The following TRAPPC12 variants were observed in gnomAD, a reference collection of about 807,000 sequenced individuals.
TRAPPC12 encodes the protein trafficking protein particle complex subunit 12, also known as TPR repeat protein 15.
In TRAPPC12, 61 loss-of-function variants were observed where a neutral mutation model predicts 69.2. The observed-to-expected ratio is 0.88, with a 90% CI of 0.72 to 1.09. The LOEUF (loss-of-function observed/expected upper bound fraction) is 1.09, where lower values mean the gene tolerates loss of function less well. Among genes scored for constraint, TRAPPC12 ranks in the 50% least tolerant of loss-of-function variants. The pLI is 0.00. For missense variants in TRAPPC12, 1,101 were observed against 1,016.4 expected (o/e 1.08, Z -1.13); for synonymous variants, 469 against 438.9 (o/e 1.07, Z -0.86).
intron 9 of TRAPPC12, among the ~76,000 whole-genome samples, chr2:3,471,398 G>A (rs780737219): frequency 5.1e-4 from 77 of 152,136 alleles, no homozygotes; most frequent in Admixed American, 1.0e-3. Flanking sequence ...TCATAGCCAC[G>A]TTCCCTGCCA....
At chr2:3,466,270 C>T (rs1017343210) in intron 9 of TRAPPC12, 4 of 471,136 alleles carry the variant, frequency 8.5e-6, no homozygotes, top group Admixed American at 4.7e-5. Flanking sequence ...CACAGGGCAG[C>T]TTCTGCCCCT....
At position 3,465,687 on chromosome 2, in the gene TRAPPC12, TC is replaced by T; in HGVS notation, c.1771del (p.Leu591CysfsTer6). 1 of 1,613,502 alleles carries T rather than the reference TC, an allele frequency of 6.2e-7. No individual in the cohort carries two copies. The highest frequency in any genetic ancestry group is 1.1e-5 in the South Asian group (1 of 91,076). On this transcript the variant is annotated frameshift_variant, in exon 9 of 12. Coordinates refer to ENST00000324266, the MANE Select transcript of TRAPPC12 (RefSeq NM_016030.6). LOFTEE classifies it high-confidence loss of function. ...GCTGCTCAGCGGCATCGGCCGGATT[TC>T]CCTGCAGGTACCTGTGCACGGTCAG... ...PQLLSGIGRI[S>X]LQIGDIKTAE... is the part of the protein sequence containing the mutation.
At chr2:3,420,911 A>G (rs1398230084) in intron 3 of TRAPPC12, among the ~76,000 whole-genome samples, 1 of 152,224 alleles carries the variant, frequency 6.6e-6, no homozygotes, top group Non-Finnish European at 1.5e-5. Context: ...AGCGCTTGGC[A>G]TGCACACAAA....
At chr2:3,473,502 C>A (rs900352808) in intron 9 of TRAPPC12, among the ~76,000 whole-genome samples, 12 of 152,138 alleles carry the variant, frequency 7.9e-5, no homozygotes, top group African/African-American at 2.9e-4. Context: ...GTTTTTGAGA[C>A]GAGGCCTCGC....
Position 3,479,424 on chromosome 2 carries a change from G to A in TRAPPC12, c.2171G>A (p.Gly724Glu). Residue 724 changes from glycine to glutamate, a missense_variant, in exon 12 of 12, where the codon GGG becomes GAG. Transcript: ENST00000324266. ...ALLEAVAGKE[G>E]DSFNTQCLKL... The stretch of plus-strand genomic sequence containing the variant: ...CTGGAGGCTGTCGCCGGCAAGGAGG[G>A]GGACAGCTTCAACACACAGTGCCTC... The A allele has an allele frequency of 3.1e-6, 5 of 1,614,052 alleles. No individual in the cohort carries two copies. The highest frequency in any genetic ancestry group is 4.2e-6 in the Non-Finnish European group (5 of 1,180,036).
At chr2:3,465,466 T>C in intron 8 of TRAPPC12, 131 bp from the exon 9 acceptor site, 2 of 656,582 alleles carry the variant, frequency 3.0e-6, no homozygotes, top group Non-Finnish European at 2.7e-6. Context: ...GGTTTCCAGC[T>C]TCCCCGCCAG....
intron 6 of TRAPPC12, among the ~76,000 whole-genome samples, chr2:3,446,835 T>C (rs1014477016): frequency 6.6e-6 from 1 of 152,228 alleles, no homozygotes; most frequent in Non-Finnish European, 1.5e-5. Context: ...GTTTACAGTT[T>C]GGTAGACGAT....
At chr2:3,475,828 C>T (rs776815280) in intron 9 of TRAPPC12, among the ~76,000 whole-genome samples, 3 of 152,202 alleles carry the variant, frequency 2.0e-5, no homozygotes, top group Non-Finnish European at 4.4e-5. Flanking sequence ...GCGAAGCTAG[C>T]GACAGCATCT....
chr2:3,393,993 A>G (rs1660976608), intron 2 of TRAPPC12, among the ~76,000 whole-genome samples: 1 of 152,236 alleles, frequency 6.6e-6, no homozygotes. Flanking sequence ...TAACAAAGAA[A>G]GCCAAAGGTA....
chr2:3,477,105 C>A (rs1162080578), intron 9 of TRAPPC12, among the ~76,000 whole-genome samples: 1 of 152,232 alleles, frequency 6.6e-6, no homozygotes, highest in Non-Finnish European at 1.5e-5. Flanking sequence ...ACTCAGCCTT[C>A]CACCCCCCAG....
intron 3 of TRAPPC12, among the ~76,000 whole-genome samples, chr2:3,403,279 C>G (rs948429218): frequency 7.1e-6 from 1 of 139,944 alleles, no homozygotes; most frequent in African/African-American, 2.7e-5. Flanking sequence ...GTTGCCCAGG[C>G]TGGAGTGCAA....
chr2:3,431,315 G>A (rs1057015781), intron 5 of TRAPPC12, among the ~76,000 whole-genome samples: 3 of 152,304 alleles, frequency 2.0e-5, no homozygotes, highest in South Asian at 4.1e-4. Flanking sequence ...CAGCACAGCC[G>A]TCTGCCTTCA....
chr2:3,380,669 G>A (rs1368208803), intron 1 of TRAPPC12, among the ~76,000 whole-genome samples: 1 of 152,168 alleles, frequency 6.6e-6, no homozygotes, highest in Admixed American at 6.5e-5. Context: ...AGAGGGACAG[G>A]GGAAAAGCAA....
At chr2:3,456,344 T>C (rs539612947) in intron 6 of TRAPPC12, 1 of 152,170 alleles carries the variant, frequency 6.6e-6, no homozygotes, top group Non-Finnish European at 1.5e-5. Context: ...TGGGGAGTGT[T>C]AACTGGCAAG....
At chr2:3,469,681 G>C (rs1665977295) in intron 9 of TRAPPC12, among the ~76,000 whole-genome samples, 1 of 152,190 alleles carries the variant, frequency 6.6e-6, no homozygotes, top group Admixed American at 6.5e-5. Context: ...TGCCTCCTCA[G>C]GCCATGTCAC....
chr2:3,421,938 G>A lies in TRAPPC12; in HGVS notation c.1222G>A (p.Gly408Ser), dbSNP rs780690810. Residue 408 changes from glycine to serine, a missense_variant, in exon 4 of 12, where the codon GGC becomes AGC. By Grantham distance (56) the Gly-to-Ser change is moderately conservative. Transcript: ENST00000324266. ...DLCGRLLTAHGQGYGKSGLLT... is the reference protein window; with the variant it reads ...DLCGRLLTAHSQGYGKSGLLT... ...GTGCGGACGTCTCCTCACAGCCCAC[G>A]GCCAGGGCTACGGCAAGAGCGGGCT... 2.7e-5 allele frequency: 44 copies of A among 1,613,688 alleles called. No individual in the cohort carries two copies. Among genetic ancestry groups the A allele is most frequent in the Middle Eastern group, 1.6e-4 (1 of 6,080 alleles).
intron 6 of TRAPPC12, 53 bp from the exon 7 acceptor site, chr2:3,457,568 T>C (rs1423803586): frequency 2.0e-6 from 3 of 1,482,236 alleles, no homozygotes; most frequent in Non-Finnish European, 2.8e-6. Flanking sequence ...AACAAAGTCT[T>C]AGACAAAAAT....
chr2:3,404,002 A>C (rs919868157), intron 3 of TRAPPC12, among the ~76,000 whole-genome samples: 1 of 152,200 alleles, frequency 6.6e-6, no homozygotes, highest in Non-Finnish European at 1.5e-5. Context: ...TCTTGAATTC[A>C]GACAAATCCT....
chr2:3,408,301 CGAACGT>C, intron 3 of TRAPPC12, among the ~76,000 whole-genome samples: 1 of 152,262 alleles, frequency 6.6e-6, no homozygotes, highest in East Asian at 1.9e-4. Flanking sequence ...ATTGTTGATT[CGAACGT>C]GAATTGTCTT....
Sources: allele counts gnomAD v4.1 joint callset (sites outside exome capture counted in the v4.1 genomes callset), GRCh38; gene constraint gnomAD v4.1.1; transcripts MANE v1.5; gene names NCBI Gene and HGNC (gene_info 2026-07-23, HGNC 2026-07-21).